Variants in LOC400499 observed in about 807,000 individuals in gnomAD.
chr16:11,427,865 A>T, the LOC400499 span, among the ~76,000 whole-genome samples: 1 of 152,190 alleles, frequency 6.6e-6, no homozygotes, highest in Non-Finnish European at 1.5e-5. Flanking sequence ...TGTGTATTAT[A>T]ATCTATTTGG....
At chr16:11,462,240 C>T in the LOC400499 span, 39 of 1,532,660 alleles carry the variant, frequency 2.5e-5, no homozygotes, top group African/African-American at 4.4e-4. Context: ...ACCAGTTTCA[C>T]CTCCAGCTGC....
the LOC400499 span, among the ~76,000 whole-genome samples, chr16:11,515,274 C>A: frequency 1.3e-5 from 2 of 151,762 alleles, no homozygotes; most frequent in African/African-American, 2.4e-5. Flanking sequence ...AGCAAGACAC[C>A]ATCTCTACTA....
At chr16:11,491,602 G>C in the LOC400499 span, 3 of 379,520 alleles carry the variant, frequency 7.9e-6, no homozygotes, top group Non-Finnish European at 1.4e-5. Context: ...CAAAGGGGTG[G>C]AGGGAGAGGA....
chr16:11,397,773 T>TGGAGGGAGGGAGGTAGGGAGGGAGGGAG, the LOC400499 span, among the ~76,000 whole-genome samples: 17 of 34,700 alleles, frequency 4.9e-4, no homozygotes, highest in African/African-American at 2.1e-3. Context: ...GAGGGAGGGA[T>TGGAGGGAGGGAGGTAGGGAGGGAGGGAG]GGAGGGAGGG....
the LOC400499 span, chr16:11,460,160 G>A: frequency 9.9e-7 from 1 of 1,006,926 alleles, no homozygotes; most frequent in Non-Finnish European, 1.3e-6. Flanking sequence ...GTTTTCAGAA[G>A]AGACGGTTCT....
At chr16:11,446,894 G>T in the LOC400499 span, 1 of 1,535,360 alleles carries the variant, frequency 6.5e-7, no homozygotes, top group Non-Finnish European at 8.7e-7. Context: ...TGCGGGATGG[G>T]CAGGTGCAAC....
chr16:11,417,796 G>C, the LOC400499 span: 1 of 398,894 alleles, frequency 2.5e-6, no homozygotes, highest in African/African-American at 2.1e-5. Flanking sequence ...GATGCGTCCA[G>C]AATGCTCGAA....
the LOC400499 span, among the ~76,000 whole-genome samples, chr16:11,500,337 G>A: frequency 1.8e-4 from 28 of 151,784 alleles, no homozygotes; most frequent in African/African-American, 6.1e-4. Flanking sequence ...GCGAAACCCC[G>A]TCTCTACTGA....
chr16:11,466,055 T>C, the LOC400499 span, among the ~76,000 whole-genome samples: 1 of 152,224 alleles, frequency 6.6e-6, no homozygotes, highest in Non-Finnish European at 1.5e-5. Context: ...GAGTCCTTCA[T>C]TATTAAACTA....
At chr16:11,474,758 A>G in the LOC400499 span, among the ~76,000 whole-genome samples, 2 of 151,856 alleles carry the variant, frequency 1.3e-5, no homozygotes, top group Non-Finnish European at 2.9e-5. Context: ...AGTCCCAGCT[A>G]CTCAGGAGGC....
chr16:11,400,341 T>A, the LOC400499 span, among the ~76,000 whole-genome samples: 1 of 152,058 alleles, frequency 6.6e-6, no homozygotes. Flanking sequence ...CCCGGCTCCT[T>A]CCCATCCCGG....
the LOC400499 span, among the ~76,000 whole-genome samples, chr16:11,412,629 A>G: frequency 6.6e-6 from 1 of 152,222 alleles, no homozygotes; most frequent in Non-Finnish European, 1.5e-5. Context: ...TGAGACTGAG[A>G]ACTCATCAGT....
the LOC400499 span, among the ~76,000 whole-genome samples, chr16:11,413,479 G>A: frequency 6.6e-6 from 1 of 152,166 alleles, no homozygotes; most frequent in East Asian, 1.9e-4. Flanking sequence ...GTGGCTCTTG[G>A]AGAAGGAGGG....
At chr16:11,460,495 G>T in the LOC400499 span, 12 of 1,530,910 alleles carry the variant, frequency 7.8e-6, no homozygotes, top group South Asian at 1.4e-4. Context: ...TGAAGGCTAG[G>T]ATCTGTGTGC....
chr16:11,389,598 TG>T, the LOC400499 span, among the ~76,000 whole-genome samples: 1 of 134,870 alleles, frequency 7.4e-6, no homozygotes, highest in Non-Finnish European at 1.5e-5. Flanking sequence ...GGCAGGAGAA[TG>T]ACTTGAACTC....
the LOC400499 span, chr16:11,471,701 C>G: frequency 5.0e-6 from 2 of 399,024 alleles, no homozygotes; most frequent in Middle Eastern, 6.2e-4. Context: ...TGTCGGAGCC[C>G]CGGGTCCCGT....
At chr16:11,376,009 A>G in the LOC400499 span, among the ~76,000 whole-genome samples, 1 of 152,128 alleles carries the variant, frequency 6.6e-6, no homozygotes, top group East Asian at 1.9e-4. Flanking sequence ...AAAGTGCTGG[A>G]ATCACAGGTG....
At chr16:11,402,212 GCT>G in the LOC400499 span, 1 of 399,034 alleles carries the variant, frequency 2.5e-6, no homozygotes, top group Non-Finnish European at 4.4e-6. Context: ...GAGGTCAGCA[GCT>G]CCAGGCCCAA....
chr16:11,449,718 T>A, the LOC400499 span, among the ~76,000 whole-genome samples: 4 of 152,246 alleles, frequency 2.6e-5, no homozygotes, highest in African/African-American at 9.6e-5. Flanking sequence ...ATGTCACTGA[T>A]CCTTGGTTCC....
Sources: allele counts gnomAD v4.1 joint callset (sites outside exome capture counted in the v4.1 genomes callset), GRCh38; gene constraint gnomAD v4.1.1; transcripts MANE v1.5.